The following PGBD2 variants were observed in gnomAD, a reference collection of about 807,000 sequenced individuals.
PGBD2 encodes piggyBac transposable element-derived protein 2.
PGBD2 carries 6 observed loss-of-function variants against 8.1 expected under a neutral mutation model. The ratio of observed to expected loss-of-function variants is 0.74; its 90% CI spans 0.40 to 1.46. The LOEUF (loss-of-function observed/expected upper bound fraction) is 1.46, where lower values mean the gene tolerates loss of function less well. PGBD2 is among the 40% of genes most tolerant of loss of function. PGBD2 has a pLI of 0.02. For missense variants in PGBD2, 802 were observed against 739.0 expected (o/e 1.09, Z -0.99); for synonymous variants, 318 against 272.2 (o/e 1.17, Z -1.66).
At chr1:248,921,706 A>C (rs1161874518), downstream of PGBD2, among the ~76,000 whole-genome samples, 4 of 152,124 alleles carry the variant, frequency 2.6e-5, no homozygotes, top group Admixed American at 2.6e-4. Flanking sequence ...ATCGCATTGA[A>C]TCTATAAATT....
downstream of PGBD2, among the ~76,000 whole-genome samples, chr1:248,923,233 G>C (rs1662321737): frequency 1.3e-5 from 2 of 152,160 alleles, no homozygotes; most frequent in Non-Finnish European, 2.9e-5. Context: ...AGATTTTCTA[G>C]TTTATTTGCA....
intron 2 of PGBD2, among the ~76,000 whole-genome samples, chr1:248,915,892 A>T (rs1054412957): frequency 1.3e-5 from 2 of 152,192 alleles, no homozygotes; most frequent in African/African-American, 4.8e-5. Flanking sequence ...GACAAATGTA[A>T]TTGCAGAGCT....
At chr1:248,916,499 A>G in intron 2 of PGBD2, 103 bp from the exon 3 acceptor site, 1 of 927,340 alleles carries the variant, frequency 1.1e-6, no homozygotes, top group Non-Finnish European at 1.6e-6. Flanking sequence ...CTGTGAAGCC[A>G]TTCAAGTGGA....
intron 1 of PGBD2, among the ~76,000 whole-genome samples, chr1:248,909,626 G>C (rs1381888820): frequency 3.9e-5 from 6 of 152,102 alleles, no homozygotes; most frequent in Non-Finnish European, 8.8e-5. Flanking sequence ...AGGTGGGGTC[G>C]ACCTGAAGAT....
At chr1:248,886,570 G>A in the PGBD2 span, among the ~76,000 whole-genome samples, 2 of 152,170 alleles carry the variant, frequency 1.3e-5, no homozygotes, top group African/African-American at 4.8e-5. Context: ...GGTGGGGGTT[G>A]GGGAATCTGA....
At chr1:248,906,790 CGTCTGCCTGGGA>C (rs1172315146) in intron 1 of PGBD2, among the ~76,000 whole-genome samples, 9 of 152,082 alleles carry the variant, frequency 5.9e-5, no homozygotes, top group Non-Finnish European at 1.3e-4. Context: ...TTTTTAACTG[CGTCTGCCTGGGA>C]AGCTGCTGAG....
intron 2 of PGBD2, 98 bp downstream of exon 2, chr1:248,913,977 A>G (rs1346511930): frequency 5.9e-6 from 6 of 1,009,316 alleles, no homozygotes; most frequent in South Asian, 2.6e-5. Context: ...TGGCCTCAGT[A>G]TAACAGTTGG....
chr1:248,907,254 T>C (rs1040523174), intron 1 of PGBD2, among the ~76,000 whole-genome samples: 14 of 152,252 alleles, frequency 9.2e-5, no homozygotes, highest in Admixed American at 2.6e-4. Flanking sequence ...TGTTTCTCTC[T>C]GCCCAAACAT....
chr1:248,902,080 C>T (rs1661543444), upstream of PGBD2, among the ~76,000 whole-genome samples: 1 of 152,010 alleles, frequency 6.6e-6, no homozygotes, highest in South Asian at 2.1e-4. Context: ...ACCAGCCTGG[C>T]CAACATGGTG....
chr1:248,921,512 G>A (rs535079781), downstream of PGBD2, among the ~76,000 whole-genome samples: 2 of 152,308 alleles, frequency 1.3e-5, no homozygotes, highest in Non-Finnish European at 2.9e-5. Context: ...TTTGGTACCA[G>A]TACCATGCTG....
chr1:248,883,893 G>A, the PGBD2 span, among the ~76,000 whole-genome samples: 1 of 152,016 alleles, frequency 6.6e-6, no homozygotes, highest in Non-Finnish European at 1.5e-5. Flanking sequence ...CACCGTGCCC[G>A]ACCCTAGTTT....
chr1:248,877,425 C>A, the PGBD2 span, among the ~76,000 whole-genome samples: 2,714 of 152,228 alleles, frequency 0.018, 82 homozygotes, highest in African/African-American at 0.062. Context: ...GCCTCACCAG[C>A]GGCTGGGACT....
chr1:248,909,362 C>T (rs1238221534), intron 1 of PGBD2, among the ~76,000 whole-genome samples: 9 of 152,130 alleles, frequency 5.9e-5, no homozygotes, highest in Admixed American at 5.9e-4. Context: ...ATTTCCTATG[C>T]GTGGTTTCAG....
chr1:248,874,931 TA>T, the PGBD2 span, among the ~76,000 whole-genome samples: 2 of 148,682 alleles, frequency 1.3e-5, no homozygotes. Flanking sequence ...GATAGATAGA[TA>T]GATAGATAGA....
the PGBD2 span, among the ~76,000 whole-genome samples, chr1:248,925,215 G>C: frequency 2.0e-5 from 3 of 152,278 alleles, no homozygotes; most frequent in South Asian, 6.2e-4. Context: ...AAGCCACAAA[G>C]ACTATGAGAC....
upstream of PGBD2, among the ~76,000 whole-genome samples, chr1:248,903,165 C>T (rs995792597): frequency 6.6e-6 from 1 of 151,910 alleles, no homozygotes; most frequent in South Asian, 2.1e-4. Context: ...TCCTGACTCC[C>T]TATCAACTAA....
rs917980747 is a variant in PGBD2, at chr1:248,917,022, G to T, written c.438G>T (p.Glu146Asp). The T allele has an allele frequency of 3.1e-6, 5 of 1,613,604 alleles. No individual in the cohort carries two copies. The highest frequency in any genetic ancestry group is 3.4e-6 in the Non-Finnish European group (4 of 1,179,948). Reference sequence around the variant, plus strand: ...AGCTGAGTCCCGTGGGCCTTTTTGAGTTGTTTTTTGATGAAGGAACAATTA... The same window carrying T: ...AGCTGAGTCCCGTGGGCCTTTTTGATTTGTTTTTTGATGAAGGAACAATTA... Reference protein sequence around the residue: ...SQELSPVGLFELFFDEGTINF... With the variant: ...SQELSPVGLFDLFFDEGTINF... Residue 146 changes from glutamate to aspartate, a missense_variant, in exon 3 of 3, where the codon GAG (glutamate) becomes GAT (aspartate). By Grantham distance (45) the Glu-to-Asp change is conservative (BLOSUM62 2). Coordinates refer to ENST00000329291, the MANE Select transcript of PGBD2 (RefSeq NM_170725.3).
chr1:248,914,696 C>T (rs1232224207), intron 2 of PGBD2: 3 of 950,556 alleles, frequency 3.2e-6, no homozygotes, highest in African/African-American at 3.5e-5. Context: ...ATGCTGAGTC[C>T]ATTCTCATAG....
At chr1:248,880,649 A>G in the PGBD2 span, among the ~76,000 whole-genome samples, 2 of 152,200 alleles carry the variant, frequency 1.3e-5, no homozygotes, top group African/African-American at 4.8e-5. Flanking sequence ...TTCTAGATAT[A>G]TTGGTTCCAA....
Sources: allele counts gnomAD v4.1 joint callset (sites outside exome capture counted in the v4.1 genomes callset), GRCh38; gene constraint gnomAD v4.1.1; transcripts MANE v1.5; gene names NCBI Gene and HGNC (gene_info 2026-07-23, HGNC 2026-07-21).